Variants in ANKS6 observed in about 807,000 individuals in gnomAD.
ANKS6 encodes ankyrin repeat and sterile alpha motif domain containing 6.
In ANKS6, 47 loss-of-function variants were observed where a neutral mutation model predicts 77.9. The ratio of observed to expected loss-of-function variants is 0.60; its 90% CI spans 0.48 to 0.77. The LOEUF (loss-of-function observed/expected upper bound fraction) is 0.77, where lower values mean the gene tolerates loss of function less well. Ranked by LOEUF, ANKS6 falls within the 30% of genes least tolerant of loss-of-function variation. The pLI, the probability that ANKS6 is intolerant of heterozygous loss-of-function variation, is 0.00. For missense variants in ANKS6, 1,150 were observed against 1,159.1 expected (o/e 0.99, Z 0.11); for synonymous variants, 488 against 501.7 (o/e 0.97, Z 0.37).
intron 10 of ANKS6, among the ~76,000 whole-genome samples, chr9:98,769,127 G>GAAAA (rs367857301): frequency 4.9e-5 from 5 of 102,956 alleles, no homozygotes; most frequent in Non-Finnish European, 8.0e-5. Context: ...CTGTCTCAAA[G>GAAAA]AAAAAAAAAA....
intron 14 of ANKS6, among the ~76,000 whole-genome samples, chr9:98,737,786 A>G (rs1831583276): frequency 6.6e-6 from 1 of 152,264 alleles, no homozygotes; most frequent in Non-Finnish European, 1.5e-5. Context: ...AGCAAGAATA[A>G]GCAAAAAGAA....
Position 98,733,988 on chromosome 9 carries a change from G to A in ANKS6, c.*2531C>T. On this transcript the variant is annotated 3_prime_UTR_variant, in exon 15 of 15. Transcript: ENST00000353234. ...GACACGTGTGGGAAGGGAAGGGGGT[G>A]ATCAAGGACCAAAAATCAGAAAAAC... is the stretch of plus-strand genomic sequence containing the variant. 4 of 985,342 alleles carry A rather than the reference G, an allele frequency of 4.1e-6. No homozygotes were observed. The highest frequency in any genetic ancestry group is 4.8e-6 in the Non-Finnish European group (4 of 829,938). 61.0% of individuals were successfully genotyped at this position (985,342 alleles called of 1,614,324 possible). A position where few individuals can be genotyped will look rare whatever the true frequency, so the allele number is the denominator to read the frequency against.
In ANKS6 at chr9:98,734,019, C is replaced by T. The variant is rs555642162; in HGVS notation, c.*2500G>A. On this transcript the variant is annotated 3_prime_UTR_variant, in exon 15 of 15. Transcript: ENST00000353234. ...GGACCAAAAATCAGAAAAACAAGCA[C>T]CCAACTGACCCCTCCTCCCTGACGA... 2 of 985,344 alleles carry T rather than the reference C, an allele frequency of 2.0e-6. No individual in the cohort carries two copies. The highest frequency in any genetic ancestry group is 3.5e-5 in the African/African-American group (2 of 57,304). 61.0% of individuals were successfully genotyped at this position (985,344 alleles called of 1,614,324 possible).
At chr9:98,758,440 C>T (rs1047451805) in intron 11 of ANKS6, among the ~76,000 whole-genome samples, 2 of 151,578 alleles carry the variant, frequency 1.3e-5, no homozygotes, top group African/African-American at 2.4e-5. Flanking sequence ...AAACACTTCT[C>T]CAAAGCTTTC....
chr9:98,790,693 G>A, intron 1 of ANKS6, 87 bp from the exon 2 acceptor site: 1 of 1,496,774 alleles, frequency 6.7e-7, no homozygotes, highest in Non-Finnish European at 9.1e-7. Context: ...TGAATTATTA[G>A]TCCTGACAGC....
At chr9:98,765,189 A>T (rs913588046) in intron 11 of ANKS6, among the ~76,000 whole-genome samples, 1 of 152,250 alleles carries the variant, frequency 6.6e-6, no homozygotes, top group Non-Finnish European at 1.5e-5. Context: ...GGAGATAATT[A>T]GTATATCCCC....
At chr9:98,761,653 C>G (rs1238704717) in intron 11 of ANKS6, among the ~76,000 whole-genome samples, 1 of 152,106 alleles carries the variant, frequency 6.6e-6, no homozygotes, top group Non-Finnish European at 1.5e-5. Context: ...TCCAATTGTT[C>G]CAGCACTCTT....
intron 11 of ANKS6, among the ~76,000 whole-genome samples, chr9:98,759,042 T>C (rs1199839679): frequency 6.6e-6 from 1 of 152,210 alleles, no homozygotes; most frequent in Non-Finnish European, 1.5e-5. Flanking sequence ...CTTTGGTTCC[T>C]GGTTGATTTT....
chr9:98,733,876 CA>C lies in ANKS6; in HGVS notation c.*2642del, dbSNP rs1831340514. ...TATTATCCTGTGGAACTAGGGTTCC[CA>C]GGAGCATACTTTTGGGAAATGCTGG... On this transcript the variant is annotated 3_prime_UTR_variant, in exon 15 of 15. Transcript: ENST00000353234. 2 of 985,364 alleles carry C rather than the reference CA, an allele frequency of 2.0e-6. No homozygotes were observed. The highest frequency in any genetic ancestry group is 2.4e-6 in the Non-Finnish European group (2 of 829,942). 61.0% of individuals were successfully genotyped at this position (985,364 alleles called of 1,614,324 possible).
chr9:98,762,076 T>C (rs529525711), intron 11 of ANKS6, among the ~76,000 whole-genome samples: 2 of 152,332 alleles, frequency 1.3e-5, no homozygotes, highest in South Asian at 4.1e-4. Context: ...TTTTGACCTT[T>C]TGATTCCACA....
At chr9:98,770,755 A>G (rs1472128598) in intron 10 of ANKS6, 141 bp downstream of exon 10, 2 of 912,036 alleles carry the variant, frequency 2.2e-6, no homozygotes, top group East Asian at 6.6e-5. Context: ...TCACTGAAAA[A>G]TCTCTTAGCC....
chr9:98,734,283 T>C lies in ANKS6; in HGVS notation c.*2236A>G, dbSNP rs1326308866. 2 of 985,518 alleles carry C rather than the reference T, an allele frequency of 2.0e-6. No individual in the cohort carries two copies. Among genetic ancestry groups the C allele is most frequent in the African/African-American group, 3.5e-5 (2 of 57,360 alleles). 61.0% of individuals were successfully genotyped at this position (985,518 alleles called of 1,614,324 possible). On this transcript the variant is annotated 3_prime_UTR_variant, in exon 15 of 15. Coordinates refer to ENST00000353234, the MANE Select transcript of ANKS6 (RefSeq NM_173551.5). ...GTCTGCAAAATGGGAATAGCCCCGC[T>C]CTGTCCAGGGTCATCCAATGAGTTC...
At chr9:98,737,449 C>T (rs1270771370) in intron 14 of ANKS6, among the ~76,000 whole-genome samples, 1 of 151,856 alleles carries the variant, frequency 6.6e-6, no homozygotes, top group Non-Finnish European at 1.5e-5. Flanking sequence ...AGCTGAGAAT[C>T]GAATCAAGAA....
intron 11 of ANKS6, among the ~76,000 whole-genome samples, chr9:98,766,294 T>C (rs1274458071): frequency 6.6e-6 from 1 of 152,190 alleles, no homozygotes; most frequent in Non-Finnish European, 1.5e-5. Context: ...TAATAGAGAA[T>C]AGTTAATATA....
intron 11 of ANKS6, among the ~76,000 whole-genome samples, chr9:98,760,781 T>G (rs184317165): frequency 8.8e-5 from 11 of 125,682 alleles, no homozygotes; most frequent in Non-Finnish European, 1.4e-4. Context: ...TGTACTACAA[T>G]TAGTTTATCT....
chr9:98,760,796 A>G (rs1832964594), intron 11 of ANKS6, among the ~76,000 whole-genome samples: 1 of 88,188 alleles, frequency 1.1e-5, no homozygotes, highest in Admixed American at 1.1e-4. Flanking sequence ...TTATCTATTC[A>G]CCTGTTGAAG....
intron 11 of ANKS6, among the ~76,000 whole-genome samples, chr9:98,759,871 T>C (rs1251409888): frequency 6.6e-6 from 1 of 152,168 alleles, no homozygotes; most frequent in East Asian, 1.9e-4. Flanking sequence ...GTTAAAAGGA[T>C]ACAAAACTAT....
At chr9:98,738,783 G>C (rs1372335705) in intron 14 of ANKS6, among the ~76,000 whole-genome samples, 1 of 152,144 alleles carries the variant, frequency 6.6e-6, no homozygotes, top group African/African-American at 2.4e-5. Flanking sequence ...ATATGAAAAA[G>C]ATACTTGCAC....
chr9:98,796,441 A>G lies in ANKS6; in HGVS notation c.51T>C (p.Cys17=). The change falls in exon 1 of 15, where the codon TGT becomes TGC. Residue 17 remains cysteine, a synonymous_variant. Coordinates refer to ENST00000353234, the MANE Select transcript of ANKS6 (RefSeq NM_173551.5). ...GCGCCGTCTCCGTGTCGCCCTGGTC[A>G]CACGCGCGCAGCAGCAGCTGGAAGG... The part of the protein sequence containing the change: ...PPAFQLLLRA[C]DQGDTETARR... 2.0e-6 allele frequency: 2 copies of G among 994,326 alleles called. No homozygotes were observed. Among genetic ancestry groups the G allele is most frequent in the Non-Finnish European group, 2.4e-6 (2 of 837,926 alleles). 61.6% of individuals were successfully genotyped at this position (994,326 alleles called of 1,614,324 possible).
Sources: allele counts gnomAD v4.1 joint callset (sites outside exome capture counted in the v4.1 genomes callset), GRCh38; gene constraint gnomAD v4.1.1; transcripts MANE v1.5; gene names NCBI Gene and HGNC (gene_info 2026-07-23, HGNC 2026-07-21).